TAAR5: variants seen among roughly 807,000 people sequenced by gnomAD.
TAAR5 encodes trace amine associated receptor 5.
In TAAR5, 27 loss-of-function variants were observed where a neutral mutation model predicts 21.1. The ratio of observed to expected loss-of-function variants is 1.28; its 90% CI spans 0.94 to 1.76. The LOEUF (loss-of-function observed/expected upper bound fraction) is 1.76. Among genes scored for constraint, TAAR5 ranks in the 40% most tolerant of loss-of-function variants. TAAR5 has a pLI of 0.00. For synonymous variants in TAAR5, 203 were observed against 167.5 expected (o/e 1.21, Z -1.64); for missense variants, 495 against 405.6 (o/e 1.22, Z -1.89).
At chr6:132,608,287 G>A in the TAAR5 span, 2 of 442,728 alleles carry the variant, frequency 4.5e-6, no homozygotes, top group Non-Finnish European at 9.0e-6. Flanking sequence ...TTCTGAATGG[G>A]AGCTAAATAT....
At chr6:132,601,109 A>AAGGAAGGAAGGAAGG in the TAAR5 span, among the ~76,000 whole-genome samples, 1 of 22,980 alleles carries the variant, frequency 4.4e-5, no homozygotes. Context: ...AGGAGGGAAG[A>AAGGAAGGAAGGAAGG]AGGGAAGGAG....
At position 132,589,346 on chromosome 6, in the gene TAAR5, T is replaced by A. The variant is rs80078646; in HGVS notation, c.341A>T (p.Asp114Val). ...DFLCRLHTYL[D>V]TLFCLTSIFH... ...GATGGAGGTGAGGCAGAAGAGGGTGTCCAGGTAGGTGTGCAGGCGGCAGAG... is the reference window on the plus strand; with the variant it reads ...GATGGAGGTGAGGCAGAAGAGGGTGACCAGGTAGGTGTGCAGGCGGCAGAG... Residue 114 changes from aspartate to valine, a missense_variant, in exon 1 of 1, where the codon GAC becomes GTC. Asp to Val is a radical substitution (Grantham distance 152, BLOSUM62 -3). Coordinates refer to ENST00000258034, the MANE Select transcript of TAAR5 (RefSeq NM_003967.3). 1.7e-3 allele frequency: 2,804 copies of A among 1,613,870 alleles called. 45 individuals are homozygous for A. In the East Asian group the frequency reaches 0.041, roughly 24 times the overall value.
At chr6:132,592,343 G>C (rs1435117837), upstream of TAAR5, among the ~76,000 whole-genome samples, 1 of 152,242 alleles carries the variant, frequency 6.6e-6, no homozygotes, top group East Asian at 1.9e-4. Flanking sequence ...AAGCCAGATG[G>C]AAGTGTTCTT....
Position 132,588,871 on chromosome 6 carries a change from C to A in TAAR5, c.816G>T (p.Thr272=). The change falls in exon 1 of 1, where the codon ACG becomes ACT. Residue 272 remains threonine, a synonymous_variant. Transcript: ENST00000258034. ...TAAAGTGAAGGAGGCTGTCGACCATCGTGTCTATGGTGAAGGGCAGCCAGC... is the reference window on the plus strand; with the variant it reads ...TAAAGTGAAGGAGGCTGTCGACCATAGTGTCTATGGTGAAGGGCAGCCAGC... ...LLCWLPFTID[T]MVDSLLHFIT... The A allele has an allele frequency of 6.2e-7, 1 of 1,614,066 alleles. No individual in the cohort carries two copies. Among genetic ancestry groups the A allele is most frequent in the South Asian group, 1.1e-5 (1 of 91,082 alleles).
At position 132,588,915 on chromosome 6, in the gene TAAR5, C is replaced by G. The variant is rs1265964517; in HGVS notation, c.772G>C (p.Val258Leu). ...AGCCAGCACAAGAGGTATATGCCCA[C>G]AGCAATGCCCAGGGTCTTGGCAGCT... ...RKAAKTLGIA[V>L]GIYLLCWLPF... Residue 258 changes from valine (V) to leucine (L), a missense_variant, in exon 1 of 1, where the codon GTG (valine) becomes CTG (leucine). Physicochemically the swap from Val to Leu is conservative, Grantham distance 32. Transcript: ENST00000258034. 9 of 1,614,160 alleles carry G rather than the reference C, an allele frequency of 5.6e-6. No homozygotes were observed. The highest frequency in any genetic ancestry group is 6.8e-6 in the Non-Finnish European group (8 of 1,180,010).
upstream of TAAR5, among the ~76,000 whole-genome samples, chr6:132,592,975 A>C (rs981821638): frequency 3.3e-5 from 5 of 152,162 alleles, no homozygotes; most frequent in Admixed American, 6.5e-5. Flanking sequence ...AGCTTACCAC[A>C]GACTTTGCCA....
chr6:132,610,714 G>A, the TAAR5 span, among the ~76,000 whole-genome samples: 6 of 152,180 alleles, frequency 3.9e-5, no homozygotes, highest in Non-Finnish European at 7.4e-5. Context: ...ACTGTTCCAT[G>A]TGACTCCCTT....
the TAAR5 span, among the ~76,000 whole-genome samples, chr6:132,605,690 A>T: frequency 1.3e-5 from 2 of 152,160 alleles, no homozygotes; most frequent in Non-Finnish European, 2.9e-5. Context: ...GGGTAATGGG[A>T]TTATTTATAT....
the TAAR5 span, among the ~76,000 whole-genome samples, chr6:132,600,930 AAG>A: frequency 4.7e-5 from 6 of 127,044 alleles, no homozygotes; most frequent in African/African-American, 1.3e-4. Flanking sequence ...GGAAGGAGGG[AAG>A]GAGGGAAGGA....
chr6:132,596,532 C>G, the TAAR5 span, among the ~76,000 whole-genome samples: 1 of 152,168 alleles, frequency 6.6e-6, no homozygotes, highest in Non-Finnish European at 1.5e-5. Context: ...TTTAAAAATA[C>G]TATTTTCACT....
At chr6:132,611,003 A>C in the TAAR5 span, among the ~76,000 whole-genome samples, 1 of 152,324 alleles carries the variant, frequency 6.6e-6, no homozygotes, top group East Asian at 1.9e-4. Flanking sequence ...TAGGAAATAA[A>C]GTTTGGGACT....
the TAAR5 span, among the ~76,000 whole-genome samples, chr6:132,603,757 G>A: frequency 6.6e-6 from 1 of 152,196 alleles, no homozygotes; most frequent in Admixed American, 6.5e-5. Flanking sequence ...CAAATTCACT[G>A]TATTTGTAAG....
chr6:132,593,065 G>T (rs1444876479), upstream of TAAR5, among the ~76,000 whole-genome samples: 4 of 152,202 alleles, frequency 2.6e-5, no homozygotes, highest in East Asian at 1.9e-4. Context: ...TCTTCAGGAA[G>T]TTGGCTTAGT....
chr6:132,594,242 G>A (rs1263570879), upstream of TAAR5, among the ~76,000 whole-genome samples: 1 of 152,118 alleles, frequency 6.6e-6, no homozygotes, highest in Non-Finnish European at 1.5e-5. Context: ...TAGTATACCT[G>A]GAAGGCTCAT....
chr6:132,601,155 GGGAA>G, the TAAR5 span, among the ~76,000 whole-genome samples: 13 of 143,464 alleles, frequency 9.1e-5, no homozygotes, highest in South Asian at 4.5e-4. Flanking sequence ...GAGGGAAGGA[GGGAA>G]GGAAAGAAGG....
the TAAR5 span, among the ~76,000 whole-genome samples, chr6:132,599,174 T>A: frequency 6.6e-6 from 1 of 152,130 alleles, no homozygotes; most frequent in African/African-American, 2.4e-5. Context: ...ATTTTCACGA[T>A]CACTGGGGAA....
chr6:132,588,735 G>A lies in TAAR5; in HGVS notation c.952C>T (p.Leu318Phe). The A allele has an allele frequency of 6.2e-7, 1 of 1,614,024 alleles. No homozygotes were observed. The highest frequency in any genetic ancestry group is 1.1e-5 in the South Asian group (1 of 91,072). ...GAGAAGACCTTCTGGCTCAGTGTGA[G>A]TTTCAGTGCCTTCCGAAACCACTGG... ...SYQWFRKALK[L>F]TLSQKVFSPQ... Residue 318 changes from leucine to phenylalanine, a missense_variant, in exon 1 of 1, where the codon CTC becomes TTC. Transcript: ENST00000258034.
chr6:132,590,321 C>A (rs1776888413), upstream of TAAR5, among the ~76,000 whole-genome samples: 1 of 152,164 alleles, frequency 6.6e-6, no homozygotes, highest in South Asian at 2.1e-4. Flanking sequence ...GAAAATTGCT[C>A]TATTTTAGCT....
chr6:132,605,201 G>A, the TAAR5 span, among the ~76,000 whole-genome samples: 3 of 152,216 alleles, frequency 2.0e-5, no homozygotes, highest in Non-Finnish European at 4.4e-5. Flanking sequence ...AAAGGACCTA[G>A]CATAGAAACT....
Sources: gnomAD v4.1 joint callset for allele counts (sites outside exome capture counted in the v4.1 genomes callset) on GRCh38, gnomAD v4.1.1 for gene constraint, MANE v1.5 for transcripts, NCBI Gene and HGNC (gene_info 2026-07-23, HGNC 2026-07-21) for gene names.